Variants in SEMA7A observed in about 807,000 individuals in gnomAD.
SEMA7A encodes semaphorin-7A.
A neutral mutation model predicts 67.5 loss-of-function variants in SEMA7A; 21 were observed. The observed-to-expected ratio is 0.31, with a 90% confidence interval of 0.22 to 0.45. The LOEUF is 0.45. Among genes scored for constraint, SEMA7A ranks in the 20% least tolerant of loss-of-function variants. The pLI is 1.00. For missense variants in SEMA7A, 774 were observed against 908.6 expected (o/e 0.85, Z 1.90); for synonymous variants, 364 against 368.5 (o/e 0.99, Z 0.14).
At chr15:74,415,726 C>T in intron 8 of SEMA7A, 75 bp downstream of exon 8, 3 of 1,428,116 alleles carry the variant, frequency 2.1e-6, no homozygotes, top group Non-Finnish European at 2.8e-6. Flanking sequence ...AGGCCCTCAG[C>T]AGGGCCCAAG....
intron 1 of SEMA7A, 163 bp downstream of exon 1, chr15:74,433,578 A>C (rs1420492811): frequency 4.0e-6 from 5 of 1,248,160 alleles, no homozygotes; most frequent in Non-Finnish European, 4.0e-6. Context: ...GTGTACACTC[A>C]CACACACTCA....
chr15:74,411,318 T>C lies in SEMA7A; in HGVS notation c.1616A>G (p.Lys539Arg). Residue 539 changes from lysine to arginine, a missense_variant, in exon 13 of 14, where the codon AAG becomes AGG. Coordinates refer to ENST00000261918, the MANE Select transcript of SEMA7A (RefSeq NM_003612.5). The surrounding 1 kb of genome is among the most constrained non-coding windows in gnomAD (Gnocchi z 4.4). ...LQSINPAEPH[K>R]ECPNPKPDKA... ...ACCTGGTTTGGGGTTGGGACACTCCTTGTGTGGCTCGGCTGGATTAATGGA... is the reference window on the plus strand; with the variant it reads ...ACCTGGTTTGGGGTTGGGACACTCCCTGTGTGGCTCGGCTGGATTAATGGA... 6.2e-7 allele frequency: 1 copy of C among 1,614,072 alleles called. No homozygotes were observed. The highest frequency in any genetic ancestry group is 8.5e-7 in the Non-Finnish European group (1 of 1,179,970).
Position 74,414,205 on chromosome 15 carries a change from C to A in SEMA7A, c.1294+342G>T, listed in dbSNP as rs1396142115. Among the ~76,000 whole-genome samples, 1 of 151,938 alleles carries A rather than the reference C, an allele frequency of 6.6e-6. No individual in the cohort carries two copies. The highest frequency in any genetic ancestry group is 2.4e-5 in the African/African-American group (1 of 41,356). On this transcript the variant is annotated intron_variant, in intron 10 of 13. Transcript: ENST00000261918. The surrounding 1 kb of genome is among the most constrained non-coding windows in gnomAD (Gnocchi z 4.1). The stretch of plus-strand genomic sequence containing the variant: ...AGGCCAGTATCCCTGTGGTTCAGGC[C>A]CCTCCTCCTCATTTGCCACGTCTCT...
intron 1 of SEMA7A, among the ~76,000 whole-genome samples, chr15:74,430,529 T>C (rs2061079686): frequency 6.6e-6 from 1 of 152,176 alleles, no homozygotes; most frequent in Non-Finnish European, 1.5e-5. Flanking sequence ...CTCTCCCCTA[T>C]ACCATGGTCA....
Position 74,418,662 on chromosome 15 carries a change from C to A in SEMA7A, c.330+139G>T, listed in dbSNP as rs867806293. The stretch of plus-strand genomic sequence containing the variant: ...TGGACTACCTTTAGGGAGCCTCCCC[C>A]AGGAGCCATTTATAGGATACGGAGG... On this transcript the variant is annotated intron_variant, in intron 2 of 13. Coordinates refer to ENST00000261918, the MANE Select transcript of SEMA7A (RefSeq NM_003612.5). 17 of 959,036 alleles carry A rather than the reference C, an allele frequency of 1.8e-5. No homozygotes were observed. In the Middle Eastern group the frequency reaches 2.0e-3, roughly 111 times the overall value. The allele number at this position is 959,036 out of a possible 1,614,324, so 59.4% of individuals were successfully genotyped here. A position where few individuals can be genotyped will look rare whatever the true frequency, so the allele number is the denominator to read the frequency against.
chr15:74,424,525 C>T (rs2061026729), intron 1 of SEMA7A, among the ~76,000 whole-genome samples: 1 of 152,220 alleles, frequency 6.6e-6, no homozygotes, highest in Non-Finnish European at 1.5e-5. Flanking sequence ...TGCCGTTTTA[C>T]AAACAGGAAA....
At position 74,433,727 on chromosome 15, in the gene SEMA7A, G is replaced by A. The variant is rs1396915886; in HGVS notation, c.178+14C>T. The A allele has an allele frequency of 1.4e-6, 2 of 1,424,254 alleles. No individual in the cohort carries two copies. The highest frequency in any genetic ancestry group is 3.0e-5 in the Admixed American group (1 of 33,362). The allele number at this position is 1,424,254 out of a possible 1,614,324, so 88.2% of individuals were successfully genotyped here. A position where few individuals can be genotyped will look rare whatever the true frequency, so the allele number is the denominator to read the frequency against. On this transcript the variant is annotated intron_variant, in intron 1 of 13. Coordinates refer to ENST00000261918, the MANE Select transcript of SEMA7A (RefSeq NM_003612.5). ...TCTGATCCCGCGCCTGACCGGCCGC[G>A]CGGCGCCGCCTACCTTTCCAGACGG...
At chr15:74,421,293 G>T (rs1400117441) in intron 1 of SEMA7A, among the ~76,000 whole-genome samples, 1 of 152,102 alleles carries the variant, frequency 6.6e-6, no homozygotes, top group Admixed American at 6.5e-5. Flanking sequence ...TCTTAGCATG[G>T]ACCCCAGGGC....
rs1450751337 is a variant in SEMA7A, at chr15:74,433,768, C to T, written c.151G>A (p.Gly51Arg). ...TTCCAGACGGCGAAGATGCGGGGTC[C>T]GCTCCTTAGGTGGCCCTGGGCGGAG... ...AASAQGHLRS[G>R]PRIFAVWKGH... Residue 51 changes from glycine (G) to arginine (R), a missense_variant, in exon 1 of 14, where the codon GGA (glycine) becomes AGA (arginine). Around this residue, in one of 2 missense-constraint regions of SEMA7A, gnomAD observed 347 missense variants for 353.2 expected, o/e 0.98. Transcript: ENST00000261918. 2 of 1,446,506 alleles carry T rather than the reference C, an allele frequency of 1.4e-6. No homozygotes were observed. The highest frequency in any genetic ancestry group is 3.0e-5 in the East Asian group (1 of 32,852). 89.6% of individuals were successfully genotyped at this position (1,446,506 alleles called of 1,614,324 possible).
rs1383655799 is a variant in SEMA7A, at chr15:74,423,242, C to G, written c.179-4290G>C. Among the ~76,000 whole-genome samples the G allele has an allele frequency of 6.6e-6, 1 of 152,252 alleles. No homozygotes were observed. Among genetic ancestry groups the G allele is most frequent in the African/African-American group, 2.4e-5 (1 of 41,468 alleles). On this transcript the variant is annotated intron_variant, in intron 1 of 13. Transcript: ENST00000261918. The surrounding 1 kb of genome is among the most constrained non-coding windows in gnomAD (Gnocchi z 4.1). ...CACCCCTGCACTGCCAGGCCTACCT[C>G]ACACCCTCGCCCAACTACGTGTCTG...
Position 74,411,120 on chromosome 15 carries a change from T to C in SEMA7A, c.1640-135A>G. On this transcript the variant is annotated intron_variant, in intron 13 of 13. Transcript: ENST00000261918. The surrounding 1 kb of genome is among the most constrained non-coding windows in gnomAD (Gnocchi z 4.4). ...GGGAACCCAGCCCTCAGCGTCCTCC[T>C]TTTTTCTCCCGTCTCGCTCATCCCA... is the stretch of plus-strand genomic sequence containing the variant. 1 of 1,395,010 alleles carries C rather than the reference T, an allele frequency of 7.2e-7. No homozygotes were observed. The highest frequency in any genetic ancestry group is 1.4e-5 in the South Asian group (1 of 71,226). The allele number at this position is 1,395,010 out of a possible 1,614,324, so 86.4% of individuals were successfully genotyped here.
chr15:74,411,020 G>T lies in SEMA7A; in HGVS notation c.1640-35C>A. ...CAGTGGGGAAGCAGCCGTGAGGAGG[G>T]ACAAAGAGCTCCCAGGGGAGGATGT... On this transcript the variant is annotated intron_variant, in intron 13 of 13. Coordinates refer to ENST00000261918, the MANE Select transcript of SEMA7A (RefSeq NM_003612.5). The surrounding 1 kb of genome is among the most constrained non-coding windows in gnomAD (Gnocchi z 4.4). 6.3e-7 allele frequency: 1 copy of T among 1,590,164 alleles called. No individual in the cohort carries two copies. Among genetic ancestry groups the T allele is most frequent in the South Asian group, 1.1e-5 (1 of 87,976 alleles).
rs749362938 is a variant in SEMA7A, at chr15:74,410,858, A to G, written c.1767T>C (p.Pro589=). The change falls in exon 14 of 14, where the codon CCT becomes CCC. Residue 589 remains proline, a synonymous_variant. Coordinates refer to ENST00000261918, the MANE Select transcript of SEMA7A (RefSeq NM_003612.5). This position sits in a 1 kb window ranked among gnomAD's most constrained non-coding sequence, Gnocchi z 7.5. ...HKENVEQSCE[P]GHQSPNCILF... Reference sequence around the variant, plus strand: ...GGATGCAGTTGGGGCTCTGGTGACCAGGTTCGCAGCTCTGCTCCACGTTCT... The same window carrying G: ...GGATGCAGTTGGGGCTCTGGTGACCGGGTTCGCAGCTCTGCTCCACGTTCT... 1 of 1,614,090 alleles carries G rather than the reference A, an allele frequency of 6.2e-7. No individual in the cohort carries two copies. The highest frequency in any genetic ancestry group is 8.5e-7 in the Non-Finnish European group (1 of 1,180,040).
intron 1 of SEMA7A, among the ~76,000 whole-genome samples, chr15:74,421,807 C>CA (rs2061002694): frequency 6.6e-6 from 1 of 152,200 alleles, no homozygotes; most frequent in Non-Finnish European, 1.5e-5. Context: ...AAGGCAGCAC[C>CA]AAGCCATCAG....
intron 3 of SEMA7A, 140 bp downstream of exon 3, chr15:74,418,127 AT>A: frequency 8.7e-7 from 1 of 1,149,422 alleles, no homozygotes; most frequent in Non-Finnish European, 1.3e-6. Flanking sequence ...AGCTGACGCC[AT>A]CCCCTAAGCA....
intron 4 of SEMA7A, 90 bp downstream of exon 4, chr15:74,417,787 G>C: frequency 6.5e-7 from 1 of 1,550,188 alleles, no homozygotes; most frequent in Non-Finnish European, 8.9e-7. Context: ...GCCAGCATTG[G>C]AGTCTCGCCA....
At position 74,433,810 on chromosome 15, in the gene SEMA7A, G is replaced by A. The variant is rs1432919969; in HGVS notation, c.109C>T (p.Leu37Phe). The stretch of plus-strand genomic sequence containing the variant: ...TGGGCGGAGGCGGCGGCCGCCCAGA[G>A]CAGCAGCAGCAGCCGCAGCCGCAGC... ...LPLRLRLLLLLWAAAASAQGH... is the reference protein window; with the variant it reads ...LPLRLRLLLLFWAAAASAQGH... Residue 37 changes from leucine (L) to phenylalanine (F), a missense_variant, in exon 1 of 14, where the codon CTC becomes TTC. Around this residue, in one of 2 missense-constraint regions of SEMA7A, gnomAD observed 347 missense variants for 353.2 expected, o/e 0.98. Coordinates refer to ENST00000261918, the MANE Select transcript of SEMA7A (RefSeq NM_003612.5). 7.2e-6 allele frequency: 10 copies of A among 1,384,656 alleles called. No individual in the cohort carries two copies. The highest frequency in any genetic ancestry group is 1.6e-5 in the South Asian group (1 of 61,514). The allele number at this position is 1,384,656 out of a possible 1,614,324, so 85.8% of individuals were successfully genotyped here.
chr15:74,414,923 TAC>T lies in SEMA7A; in HGVS notation c.1008_1009del (p.Tyr337PhefsTer4). On this transcript the variant is annotated frameshift_variant, in exon 9 of 14. Coordinates refer to ENST00000261918, the MANE Select transcript of SEMA7A (RefSeq NM_003612.5). LOFTEE classifies it high-confidence loss of function. The surrounding 1 kb of genome is among the most constrained non-coding windows in gnomAD (Gnocchi z 4.1). ...GACCTTGTCAATGTCACCGAGGGAA[TAC>T]ACACAGACGGCTGAGTAGTTCCTGC... 6.2e-7 allele frequency: 1 copy of T among 1,614,006 alleles called. No individual in the cohort carries two copies. Among genetic ancestry groups the T allele is most frequent in the Non-Finnish European group, 8.5e-7 (1 of 1,179,966 alleles).
chr15:74,416,429 A>G (rs2060949070), intron 7 of SEMA7A, 146 bp downstream of exon 7: 1 of 823,368 alleles, frequency 1.2e-6, no homozygotes, highest in Non-Finnish European at 1.9e-6. Flanking sequence ...TGCTCCATGC[A>G]CACACAGCTG....
Sources: gnomAD v4.1 joint callset for allele counts (sites outside exome capture counted in the v4.1 genomes callset) on GRCh38, gnomAD v4.1.1 for gene constraint, gnomAD v4.1.1 regional missense constraint, Gnocchi (gnomAD v3.1) non-coding constraint, MANE v1.5 for transcripts, NCBI Gene and HGNC (gene_info 2026-07-23, HGNC 2026-07-21) for gene names.